The following PDE7A variants were observed in gnomAD, a reference collection of about 807,000 sequenced individuals.
PDE7A encodes high affinity 3',5'-cyclic-AMP phosphodiesterase 7A.
A neutral mutation model predicts 64.3 loss-of-function variants in PDE7A; 39 were observed. The observed-to-expected ratio is 0.61, with a 90% CI of 0.47 to 0.79. PDE7A has a LOEUF of 0.79. PDE7A is among the 30% of genes least tolerant of loss of function. The pLI is 0.00. For synonymous variants in PDE7A, 203 were observed against 206.8 expected (o/e 0.98, Z 0.16); for missense variants, 470 against 582.8 (o/e 0.81, Z 1.99).
At chr8:65,794,126 G>A (rs988094595) in intron 1 of PDE7A, among the ~76,000 whole-genome samples, 2 of 152,080 alleles carry the variant, frequency 1.3e-5, no homozygotes, top group African/African-American at 4.8e-5. Context: ...TTTTGTACTA[G>A]TAATCTGAAA....
At chr8:65,781,651 T>C (rs1258620290) in intron 2 of PDE7A, among the ~76,000 whole-genome samples, 1 of 152,166 alleles carries the variant, frequency 6.6e-6, no homozygotes, top group Non-Finnish European at 1.5e-5. Context: ...GTTTCTGACC[T>C]GATGACAGGA....
intron 1 of PDE7A, among the ~76,000 whole-genome samples, chr8:65,789,520 T>C (rs1398790625): frequency 6.6e-6 from 1 of 152,242 alleles, no homozygotes; most frequent in Non-Finnish European, 1.5e-5. Context: ...GGCTGTCATA[T>C]TATCTATGCT....
intron 3 of PDE7A, among the ~76,000 whole-genome samples, chr8:65,758,411 A>G (rs1466803712): frequency 6.6e-6 from 1 of 152,232 alleles, no homozygotes; most frequent in Non-Finnish European, 1.5e-5. Flanking sequence ...GGGAAGAAAG[A>G]AAAAAACTAC....
chr8:65,763,167 G>A (rs1411359598), intron 3 of PDE7A, among the ~76,000 whole-genome samples: 1 of 151,820 alleles, frequency 6.6e-6, no homozygotes, highest in Non-Finnish European at 1.5e-5. Context: ...CTTAAGGGAG[G>A]GAATATTTGT....
chr8:65,744,021 T>C (rs940873340), intron 5 of PDE7A, among the ~76,000 whole-genome samples: 11 of 152,078 alleles, frequency 7.2e-5, no homozygotes, highest in African/African-American at 2.7e-4. Context: ...TTAGTAGAGA[T>C]GGGGTTTTGC....
chr8:65,755,094 C>T (rs1414149677), intron 3 of PDE7A, among the ~76,000 whole-genome samples: 3 of 146,408 alleles, frequency 2.0e-5, no homozygotes, highest in Non-Finnish European at 3.0e-5. Context: ...GGTTTCGGCT[C>T]ACTGTAACGT....
intron 1 of PDE7A, among the ~76,000 whole-genome samples, chr8:65,814,048 G>T (rs1810318712): frequency 6.6e-6 from 1 of 151,788 alleles, no homozygotes; most frequent in African/African-American, 2.4e-5. Flanking sequence ...TTTAAAAGTG[G>T]TATTTTCATT....
intron 3 of PDE7A, among the ~76,000 whole-genome samples, chr8:65,776,605 T>A (rs1157544872): frequency 6.6e-6 from 1 of 152,208 alleles, no homozygotes; most frequent in Non-Finnish European, 1.5e-5. Context: ...GTTTTCTATG[T>A]AGAGTTATAC....
chr8:65,807,879 T>C (rs1810147832), intron 1 of PDE7A, among the ~76,000 whole-genome samples: 1 of 152,204 alleles, frequency 6.6e-6, no homozygotes, highest in African/African-American at 2.4e-5. Context: ...AGCTGCTGAA[T>C]TAACCATATC....
chr8:65,743,840 T>C (rs1754718605), intron 5 of PDE7A, among the ~76,000 whole-genome samples: 1 of 113,212 alleles, frequency 8.8e-6, no homozygotes, highest in African/African-American at 2.8e-5. Flanking sequence ...GCTGAATTGC[T>C]TTTTTTTTTT....
At chr8:65,797,672 A>T (rs1432760853) in intron 1 of PDE7A, among the ~76,000 whole-genome samples, 1 of 152,210 alleles carries the variant, frequency 6.6e-6, no homozygotes, top group Non-Finnish European at 1.5e-5. Context: ...CCATAAATTC[A>T]ATGCAGTCTC....
chr8:65,820,318 T>C (rs552025525), intron 1 of PDE7A, among the ~76,000 whole-genome samples: 75 of 152,148 alleles, frequency 4.9e-4, no homozygotes, highest in African/African-American at 1.6e-3. Flanking sequence ...ACTGCTTGAG[T>C]CCAGGATGCG....
rs577617008 is a variant in PDE7A at position 65,725,940 on chromosome 8, T to G, written c.920+935A>C. Among the ~76,000 whole-genome samples the G allele has an allele frequency of 4.4e-4, 67 of 152,310 alleles. 3 individuals carry two copies. The South Asian group carries it at 0.012, about 28-fold the overall frequency. ...GTACTACAGCAAAAAATGATTTTACTTACCAGAAGTATTGTCATACTCCAA... is the reference window on the plus strand; with the variant it reads ...GTACTACAGCAAAAAATGATTTTACGTACCAGAAGTATTGTCATACTCCAA... On this transcript the variant is annotated intron_variant, in intron 9 of 12. Transcript: ENST00000401827.
chr8:65,805,556 G>A (rs148718058), intron 1 of PDE7A, among the ~76,000 whole-genome samples: 5 of 152,148 alleles, frequency 3.3e-5, no homozygotes, highest in Non-Finnish European at 7.4e-5. Flanking sequence ...TATTTCCTGT[G>A]TAACAGCATG....
At chr8:65,787,395 A>G (rs1238186848) in intron 1 of PDE7A, among the ~76,000 whole-genome samples, 1 of 152,196 alleles carries the variant, frequency 6.6e-6, no homozygotes, top group East Asian at 1.9e-4. Context: ...AAATAATAAT[A>G]TAGCAAAAGA....
At chr8:65,806,955 G>C (rs542815926) in intron 1 of PDE7A, among the ~76,000 whole-genome samples, 2 of 152,298 alleles carry the variant, frequency 1.3e-5, no homozygotes, top group East Asian at 3.9e-4. Context: ...TCTGTACTAA[G>C]TTCTGAAATC....
rs912150025 is a variant in PDE7A, at chr8:65,841,988, G to A, written c.-480C>T. ...GGCCGCCGCCGCCGCCGCCGCCGCC[G>A]CCGCCGGAGTCCTGCTCCTCCCCTC... On this transcript the variant is annotated 5_prime_UTR_variant, in exon 1 of 13. Coordinates refer to ENST00000401827, the MANE Select transcript of PDE7A (RefSeq NM_001242318.3). 1.5e-4 allele frequency: 40 copies of A among 260,076 alleles called. No homozygotes were observed. The highest frequency in any genetic ancestry group is 1.3e-3 in the South Asian group (36 of 26,988). The allele number at this position is 260,076 out of a possible 1,614,324, so 16.1% of individuals were successfully genotyped here.
At chr8:65,745,528 G>T in intron 4 of PDE7A, 58 bp from the exon 5 acceptor site, 1 of 935,086 alleles carries the variant, frequency 1.1e-6, no homozygotes, top group Non-Finnish European at 1.7e-6. Context: ...TTGTCTTTTG[G>T]AGATATTCCA....
chr8:65,818,673 A>G (rs531829994), intron 1 of PDE7A, among the ~76,000 whole-genome samples: 2 of 152,218 alleles, frequency 1.3e-5, no homozygotes, highest in African/African-American at 4.8e-5. Context: ...CAAGTCTCCT[A>G]TGTGCAAGCA....
Sources: allele counts gnomAD v4.1 joint callset (sites outside exome capture counted in the v4.1 genomes callset), GRCh38; gene constraint gnomAD v4.1.1; transcripts MANE v1.5; gene names NCBI Gene and HGNC (gene_info 2026-07-23, HGNC 2026-07-21).